Variants in RASA3 observed in about 807,000 individuals in gnomAD.
RASA3 encodes ras GTPase-activating protein 3.
In RASA3, 73 loss-of-function variants were observed where a neutral mutation model predicts 110.0. The observed-to-expected ratio is 0.66, with a 90% confidence interval of 0.55 to 0.81. The LOEUF is 0.81. Among genes scored for constraint, RASA3 ranks in the 30% least tolerant of loss-of-function variants. The pLI, the probability that RASA3 is intolerant of heterozygous loss-of-function variation, is 0.00. For synonymous variants in RASA3, 500 were observed against 451.4 expected, an observed-to-expected ratio of 1.11 and a Z score of -1.37; for missense variants, 976 against 1,113.2, an observed-to-expected ratio of 0.88 and a Z score of 1.75.
At chr13:114,074,940 C>G (rs1158238750) in intron 1 of RASA3, among the ~76,000 whole-genome samples, 3 of 152,246 alleles carry the variant, frequency 2.0e-5, no homozygotes, top group African/African-American at 7.2e-5. Flanking sequence ...AGCTGTCAAT[C>G]CAGACAGCGG....
chr13:114,052,954 G>A lies in RASA3; in HGVS notation c.174-799C>T, dbSNP rs1471943297. On this transcript the variant is annotated intron_variant, in intron 2 of 23. Transcript: ENST00000334062. ...GACTGTACTTAGAGTCCTCGCTCCT[G>A]GGGGAGAAATCGCCACTGCTGACTG... 3.2e-5 allele frequency among the ~76,000 whole-genome samples: 4 copies of A among 123,812 alleles called. 1 individual carries two copies. Among genetic ancestry groups the A allele is most frequent in the Non-Finnish European group, 7.0e-5 (4 of 57,188 alleles). 81.2% of individuals were successfully genotyped at this position (123,812 alleles called of 152,430 possible).
At chr13:114,036,594 A>G (rs957046534) in intron 4 of RASA3, among the ~76,000 whole-genome samples, 1 of 151,874 alleles carries the variant, frequency 6.6e-6, no homozygotes, top group Admixed American at 6.6e-5. Context: ...CTGGAGTGCA[A>G]TGGCGCGATC....
At position 114,095,736 on chromosome 13, in the gene RASA3, C is replaced by T. The variant is rs149871524; in HGVS notation, c.56-21899G>A. On this transcript the variant is annotated intron_variant, in intron 1 of 23. Coordinates refer to ENST00000334062, the MANE Select transcript of RASA3 (RefSeq NM_007368.4). ...CCCGGCTGTTTCCAAAACCAGGTGG[C>T]TTGGGGCGACTCATCCAACCTCTCC... Among the ~76,000 whole-genome samples, 572 of 152,216 alleles carry T rather than the reference C, an allele frequency of 3.8e-3. 3 individuals carry two copies. The highest frequency in any genetic ancestry group is 5.3e-3 in the Non-Finnish European group (361 of 68,018).
chr13:114,032,392 G>A (rs1445913585), intron 4 of RASA3, among the ~76,000 whole-genome samples: 1 of 152,156 alleles, frequency 6.6e-6, no homozygotes, highest in Admixed American at 6.5e-5. Context: ...CACACGTCGT[G>A]ATGTCTGCCT....
At chr13:113,991,532 G>A (rs568346598) in intron 22 of RASA3, among the ~76,000 whole-genome samples, 8 of 152,300 alleles carry the variant, frequency 5.3e-5, no homozygotes, top group Admixed American at 2.6e-4. Flanking sequence ...CTTCACCCCC[G>A]TGGGCTTTTC....
At chr13:114,110,910 G>T (rs921342783) in intron 1 of RASA3, among the ~76,000 whole-genome samples, 1 of 152,194 alleles carries the variant, frequency 6.6e-6, no homozygotes, top group African/African-American at 2.4e-5. Context: ...TCTGGCCGTG[G>T]GCCCCGGTCG....
chr13:113,990,438 C>T (rs2053081353), intron 22 of RASA3, among the ~76,000 whole-genome samples: 1 of 152,168 alleles, frequency 6.6e-6, no homozygotes, highest in Non-Finnish European at 1.5e-5. Flanking sequence ...TCATGGAGGG[C>T]CTGGTCAGCA....
rs1370149020 is a variant in RASA3 at position 114,052,495 on chromosome 13, C to T, written c.174-340G>A. 3.3e-5 allele frequency among the ~76,000 whole-genome samples: 5 copies of T among 152,210 alleles called. 1 individual carries two copies. The highest frequency in any genetic ancestry group is 4.1e-4 in the South Asian group (2 of 4,834). On this transcript the variant is annotated intron_variant, in intron 2 of 23. Coordinates refer to ENST00000334062, the MANE Select transcript of RASA3 (RefSeq NM_007368.4). ...CAGCCTCAGGGCCATCGTGATGTTT[C>T]GAAGGTACCTGGTTTGGGGCAGGCA...
At chr13:113,998,535 C>T (rs1016801623) in intron 20 of RASA3, among the ~76,000 whole-genome samples, 2 of 152,176 alleles carry the variant, frequency 1.3e-5, no homozygotes, top group African/African-American at 4.8e-5. Context: ...TGTCAGGGTA[C>T]GGGGTCAGCC....
At chr13:114,033,259 C>T (rs1332840779) in intron 4 of RASA3, among the ~76,000 whole-genome samples, 14 of 60,966 alleles carry the variant, frequency 2.3e-4, no homozygotes, top group South Asian at 6.9e-4. Flanking sequence ...CCACACTTGA[C>T]ACCACGTTCC....
chr13:114,019,568 G>C (rs1294239936), intron 9 of RASA3, among the ~76,000 whole-genome samples: 2 of 151,356 alleles, frequency 1.3e-5, no homozygotes, highest in Non-Finnish European at 2.9e-5. Context: ...GGTGGAGCCT[G>C]TCTGCAGCAT....
intron 11 of RASA3, 152 bp from the exon 12 acceptor site, chr13:114,017,503 G>A (rs144856948): frequency 1.2e-4 from 78 of 674,688 alleles, no homozygotes; most frequent in Middle Eastern, 3.1e-4. Flanking sequence ...GCACAACCAG[G>A]CCAGGTGCTT....
intron 20 of RASA3, among the ~76,000 whole-genome samples, chr13:113,999,044 A>T (rs1456337269): frequency 2.6e-5 from 1 of 38,922 alleles, no homozygotes; most frequent in Non-Finnish European, 4.6e-5. Context: ...AACAAGTGTG[A>T]CTGGGGAACG....
chr13:114,053,442 G>A (rs2079187833), intron 2 of RASA3, among the ~76,000 whole-genome samples: 1 of 152,244 alleles, frequency 6.6e-6, no homozygotes, highest in Non-Finnish European at 1.5e-5. Flanking sequence ...CACCAACTCA[G>A]AACTTAAAAC....
rs984819892 is a variant in RASA3, at chr13:114,015,310, T to C, written c.1304A>G (p.Asp435Gly). ...CTCAGTGATGGCGTGGAAGACGCGG[T>C]CCACATACTGCCGTAGGTTCTCCTG... ...NNMENLRQYV[D>G]RVFHAITESG... Residue 435 changes from aspartate (D) to glycine (G), a missense_variant, in exon 14 of 24, where the codon GAC becomes GGC. Coordinates refer to ENST00000334062, the MANE Select transcript of RASA3 (RefSeq NM_007368.4). 1 of 1,612,978 alleles carries C rather than the reference T, an allele frequency of 6.2e-7. No homozygotes were observed. The highest frequency in any genetic ancestry group is 8.5e-7 in the Non-Finnish European group (1 of 1,179,954).
chr13:114,077,991 A>AG (rs1293652063), intron 1 of RASA3: 50 of 971,290 alleles, frequency 5.1e-5, no homozygotes, highest in Admixed American at 6.4e-5. Context: ...GCATTGAAAC[A>AG]GAAAAAAAAA....
At chr13:114,039,436 C>T (rs1034467061) in intron 4 of RASA3, among the ~76,000 whole-genome samples, 1 of 152,152 alleles carries the variant, frequency 6.6e-6, no homozygotes, top group Non-Finnish European at 1.5e-5. Flanking sequence ...TACACTCAGA[C>T]GCTCACTGCG....
chr13:113,980,484 GCCATGTGTGTGCATCTTGTA>G (rs2052907740), intron 23 of RASA3, among the ~76,000 whole-genome samples: 1 of 151,008 alleles, frequency 6.6e-6, no homozygotes, highest in Non-Finnish European at 1.5e-5. Flanking sequence ...TGCACCTCCT[GCCATGTGTGTGCATCTTGTA>G]CCATGTGTGC....
At position 114,065,775 on chromosome 13, in the gene RASA3, A is replaced by G. The variant is rs1301652918; in HGVS notation, c.173+7945T>C. ...GGGGTCCGTGGTCAGCTCACAGCCC[A>G]CTCACCACCCAGCACGGCAGGTCTC... On this transcript the variant is annotated intron_variant, in intron 2 of 23. Coordinates refer to ENST00000334062, the MANE Select transcript of RASA3 (RefSeq NM_007368.4). The surrounding 1 kb of genome is among the most constrained non-coding windows in gnomAD (Gnocchi z 4.1). Among the ~76,000 whole-genome samples the G allele has an allele frequency of 6.6e-6, 1 of 152,032 alleles. No individual in the cohort carries two copies. Among genetic ancestry groups the G allele is most frequent in the East Asian group, 1.9e-4 (1 of 5,180 alleles).
Sources: allele counts gnomAD v4.1 joint callset (sites outside exome capture counted in the v4.1 genomes callset), GRCh38; gene constraint gnomAD v4.1.1; non-coding constraint Gnocchi (gnomAD v3.1); transcripts MANE v1.5; gene names NCBI Gene and HGNC (gene_info 2026-07-23, HGNC 2026-07-21).